The following GK3 variants were observed in gnomAD, a reference collection of about 807,000 sequenced individuals.
GK3 encodes glycerol kinase 3 pseudogene.
the GK3 span, chr4:165,279,065 A>G: frequency 2.0e-6 from 3 of 1,519,440 alleles, no homozygotes; most frequent in Non-Finnish European, 2.7e-6. Context: ...TGTACAGTGG[A>G]CACCTCCATT....
the GK3 span, chr4:165,279,302 A>G: frequency 6.5e-7 from 1 of 1,549,324 alleles, no homozygotes; most frequent in Non-Finnish European, 8.9e-7. Flanking sequence ...TCTTAGATCA[A>G]GCCACACCAC....
chr4:165,279,279 C>T, the GK3 span: 37 of 1,537,228 alleles, frequency 2.4e-5, no homozygotes, highest in South Asian at 4.5e-5. Context: ...AGACTCTCAA[C>T]GGTAGACTGT....
chr4:165,278,766 C>T, the GK3 span: 1 of 1,568,406 alleles, frequency 6.4e-7, no homozygotes, highest in Non-Finnish European at 8.8e-7. Flanking sequence ...TCAGAAAATA[C>T]ACACTTATGG....
chr4:165,279,076 G>A, the GK3 span: 3 of 1,537,944 alleles, frequency 2.0e-6, no homozygotes, highest in South Asian at 1.1e-5. Context: ...CACCTCCATT[G>A]ACGCCTCCTG....
At chr4:165,278,759 G>C in the GK3 span, 1 of 1,575,588 alleles carries the variant, frequency 6.3e-7, no homozygotes, top group Non-Finnish European at 8.7e-7. Context: ...GCCATGATCA[G>C]AAAATACACA....
chr4:165,279,347 C>G, the GK3 span: 5 of 1,579,546 alleles, frequency 3.2e-6, no homozygotes, highest in Non-Finnish European at 4.4e-6. Flanking sequence ...TATCTTGTCC[C>G]AGACTACGGT....
the GK3 span, chr4:165,278,941 A>C: frequency 6.9e-7 from 1 of 1,447,708 alleles, no homozygotes; most frequent in East Asian, 2.3e-5. Context: ...TCTCAGAAGA[A>C]CTCCGAACAT....
the GK3 span, chr4:165,278,929 G>A: frequency 2.3e-3 from 3,216 of 1,424,160 alleles, 40 homozygotes; most frequent in African/African-American, 0.031. Flanking sequence ...TTAGGCCATA[G>A]ATCTCAGAAG....
chr4:165,278,639 A>G, the GK3 span: 9 of 1,592,892 alleles, frequency 5.7e-6, no homozygotes, highest in Non-Finnish European at 7.8e-6. Context: ...TATAATTCCA[A>G]GATTGTCTCT....
chr4:165,279,229 G>T, the GK3 span: 1 of 1,531,646 alleles, frequency 6.5e-7, no homozygotes, highest in Admixed American at 1.7e-5. Context: ...GGCCTGTCTT[G>T]GACTTGACAA....
the GK3 span, chr4:165,278,432 C>T: frequency 6.9e-4 from 1,028 of 1,487,024 alleles, no homozygotes; most frequent in Non-Finnish European, 8.7e-4. Context: ...CAAAATCTCT[C>T]GAGTTTGGAA....
the GK3 span, chr4:165,278,255 C>G: frequency 9.0e-6 from 10 of 1,105,894 alleles, no homozygotes; most frequent in Non-Finnish European, 1.4e-5. Flanking sequence ...TTCTGCAGCC[C>G]CTGCCGCCAT....
At chr4:165,278,932 C>T in the GK3 span, 1 of 1,432,854 alleles carries the variant, frequency 7.0e-7, no homozygotes, top group East Asian at 2.3e-5. Flanking sequence ...GGCCATAGAT[C>T]TCAGAAGAAC....
the GK3 span, chr4:165,279,421 A>C: frequency 1.3e-6 from 2 of 1,599,510 alleles, no homozygotes; most frequent in Non-Finnish European, 1.7e-6. Context: ...TGAGCTGTCC[A>C]AGTTTCTCAC....
chr4:165,279,222 C>T, the GK3 span: 1 of 1,528,918 alleles, frequency 6.5e-7, no homozygotes, highest in Non-Finnish European at 9.1e-7. Context: ...AGTGGAAGGC[C>T]TGTCTTGGAC....
the GK3 span, chr4:165,278,305 C>T: frequency 9.2e-7 from 1 of 1,084,074 alleles, no homozygotes; most frequent in South Asian, 1.2e-5. Flanking sequence ...TCAAGGGCTT[C>T]ACTACTGGAA....
At chr4:165,278,189 C>T in the GK3 span, 48 of 1,297,936 alleles carry the variant, frequency 3.7e-5, no homozygotes, top group African/African-American at 1.9e-4. Context: ...AGGTTCAAAC[C>T]GCTCCATCGT....
the GK3 span, chr4:165,278,855 A>G: frequency 6.6e-7 from 1 of 1,523,136 alleles, no homozygotes; most frequent in Non-Finnish European, 9.1e-7. Context: ...TTGTCCCACC[A>G]GTGCAGCAGA....
the GK3 span, chr4:165,278,298 A>C: frequency 4.8e-4 from 511 of 1,074,250 alleles, 2 homozygotes; most frequent in East Asian, 0.011. Flanking sequence ...TCGGGCATCA[A>C]GGGCTTCACT....
Sources: gnomAD v4.1 joint callset for allele counts on GRCh38, gnomAD v4.1.1 for gene constraint, MANE v1.5 for transcripts, NCBI Gene and HGNC (gene_info 2026-07-23, HGNC 2026-07-21) for gene names.